DMGDH: variants seen among roughly 807,000 people sequenced by gnomAD.
DMGDH encodes dimethylglycine dehydrogenase, mitochondrial.
Under a neutral mutation model 95.2 loss-of-function variants are expected in DMGDH, and 76 were observed. That is an observed-to-expected ratio of 0.80 (90% CI 0.66 to 0.97). The LOEUF is 0.97. DMGDH is among the 50% of genes least tolerant of loss of function. DMGDH has a pLI of 0.00. For missense variants in DMGDH, 987 were observed against 1,055.0 expected (o/e 0.94, Z 0.89); for synonymous variants, 345 against 377.6 (o/e 0.91, Z 1.00).
intron 15 of DMGDH, among the ~76,000 whole-genome samples, chr5:78,999,220 G>C (rs767184325): frequency 3.3e-5 from 5 of 152,214 alleles, no homozygotes; most frequent in Non-Finnish European, 7.3e-5. Flanking sequence ...TAGTATTTTA[G>C]ATGCTAACAC....
chr5:79,063,203 C>T (rs1755261256), intron 2 of DMGDH, among the ~76,000 whole-genome samples: 1 of 152,162 alleles, frequency 6.6e-6, no homozygotes, highest in South Asian at 2.1e-4. Flanking sequence ...TCCAGGCTCA[C>T]CCAGACAGTA....
chr5:79,026,543 A>G lies in DMGDH; in HGVS notation c.2071T>C (p.Ser691Pro). 2 of 1,614,080 alleles carry G rather than the reference A, an allele frequency of 1.2e-6. No individual in the cohort carries two copies. The highest frequency in any genetic ancestry group is 1.7e-6 in the Non-Finnish European group (2 of 1,180,020). ...GWELYHRRED[S>P]VALYDAIMNA... is the part of the protein sequence containing the mutation. ...ATGATAGCGTCATACAGCGCCACAG[A>G]ATCTTCTCTTCTGTGATACAGCTCC... is the stretch of plus-strand genomic sequence containing the variant. The change falls in exon 13 of 16, where the codon TCT (serine) becomes CCT (proline). Residue 691 changes from serine (S) to proline (P), a missense_variant. Coordinates refer to ENST00000255189, the MANE Select transcript of DMGDH (RefSeq NM_013391.3).
At chr5:79,059,158 A>C (rs1213377523) in intron 2 of DMGDH, among the ~76,000 whole-genome samples, 1 of 152,260 alleles carries the variant, frequency 6.6e-6, no homozygotes, top group African/African-American at 2.4e-5. Context: ...CTGTGTAGAA[A>C]AGCTTTTGAA....
intron 1 of DMGDH, among the ~76,000 whole-genome samples, chr5:79,068,034 C>T (rs1755431060): frequency 6.6e-6 from 1 of 152,160 alleles, no homozygotes. Context: ...TCTCCCGCCT[C>T]AGCCTCCCAA....
chr5:79,029,474 A>G (rs897324515), intron 11 of DMGDH, among the ~76,000 whole-genome samples: 2 of 152,204 alleles, frequency 1.3e-5, no homozygotes, highest in African/African-American at 4.8e-5. Flanking sequence ...ACAAAGGACA[A>G]AGATAATTTA....
At chr5:79,054,111 G>A in intron 4 of DMGDH, 73 bp downstream of exon 4, 2 of 1,551,950 alleles carry the variant, frequency 1.3e-6, no homozygotes, top group Non-Finnish European at 1.8e-6. Flanking sequence ...TCTGTTTTTA[G>A]TTAACTTCTT....
chr5:79,058,301 G>A (rs1227168104), intron 2 of DMGDH, among the ~76,000 whole-genome samples: 4 of 152,022 alleles, frequency 2.6e-5, no homozygotes, highest in Non-Finnish European at 4.4e-5. Context: ...CCATATTAGC[G>A]CTTCCATTTA....
chr5:79,061,210 C>G (rs1357046381), intron 2 of DMGDH, among the ~76,000 whole-genome samples: 1 of 142,736 alleles, frequency 7.0e-6, no homozygotes, highest in Non-Finnish European at 1.5e-5. Flanking sequence ...CAGAGTGAAA[C>G]TCTGTCTCAA....
intron 14 of DMGDH, among the ~76,000 whole-genome samples, chr5:79,017,057 G>A (rs1278729714): frequency 2.0e-5 from 3 of 151,860 alleles, no homozygotes; most frequent in Admixed American, 6.6e-5. Flanking sequence ...ATGGATCATA[G>A]ACCTAAATGT....
intron 12 of DMGDH, 48 bp from the exon 13 acceptor site, chr5:79,026,629 T>C: frequency 6.2e-7 from 1 of 1,612,940 alleles, no homozygotes; most frequent in Non-Finnish European, 8.5e-7. Flanking sequence ...CAATGATCAC[T>C]AGATCTAATG....
chr5:79,024,287 A>G lies in DMGDH; in HGVS notation c.2234T>C (p.Phe745Ser), dbSNP rs1753938380. ...TAAACATACCTTATTTAACTTCACAAAATATTCCAGTCCAGCTTCCAAAGG... is the reference window on the plus strand; with the variant it reads ...TAAACATACCTTATTTAACTTCACAGAATATTCCAGTCCAGCTTCCAAAGG... ...TNPLEAGLEY[F>S]VKLNKPADFI... Residue 745 changes from phenylalanine to serine, a missense_variant, in exon 14 of 16, where the codon TTT becomes TCT. Phe to Ser is a radical substitution (Grantham distance 155). Coordinates refer to ENST00000255189, the MANE Select transcript of DMGDH (RefSeq NM_013391.3). 1.2e-6 allele frequency: 2 copies of G among 1,613,624 alleles called. No homozygotes were observed. The highest frequency in any genetic ancestry group is 1.7e-6 in the Non-Finnish European group (2 of 1,179,696).
chr5:79,019,458 T>C (rs1219135383), intron 14 of DMGDH, among the ~76,000 whole-genome samples: 2 of 133,044 alleles, frequency 1.5e-5, no homozygotes, highest in Non-Finnish European at 3.2e-5. Context: ...ATTCACTGCA[T>C]TAAAAAAAAA....
chr5:79,069,467 T>TCC, intron 1 of DMGDH, 53 bp downstream of exon 1: 1 of 1,153,390 alleles, frequency 8.7e-7, no homozygotes, highest in South Asian at 4.2e-5. Context: ...AGCCTCTGGC[T>TCC]CCCACCCCCG....
chr5:79,002,893 GAGAT>G (rs771229389), intron 15 of DMGDH, among the ~76,000 whole-genome samples: 1 of 152,336 alleles, frequency 6.6e-6, no homozygotes, highest in South Asian at 2.1e-4. Flanking sequence ...GGAAATCTAA[GAGAT>G]AGAATCCTAT....
At chr5:79,038,116 G>A (rs538693130) in intron 7 of DMGDH, among the ~76,000 whole-genome samples, 1 of 152,080 alleles carries the variant, frequency 6.6e-6, no homozygotes, top group African/African-American at 2.4e-5. Flanking sequence ...TTTTGAAAAA[G>A]AACAAAGTTG....
chr5:79,001,352 G>A (rs897510274), intron 15 of DMGDH, among the ~76,000 whole-genome samples: 27 of 152,072 alleles, frequency 1.8e-4, no homozygotes, highest in African/African-American at 4.6e-4. Flanking sequence ...TAGTAGAGAC[G>A]GGGTTTCACC....
chr5:79,028,565 C>G lies in DMGDH; in HGVS notation c.1900G>C (p.Gly634Arg). 6.2e-7 allele frequency: 1 copy of G among 1,614,068 alleles called. No homozygotes were observed. Among genetic ancestry groups the G allele is most frequent in the Non-Finnish European group, 8.5e-7 (1 of 1,180,010 alleles). Residue 634 changes from glycine to arginine, a missense_variant, in exon 12 of 16, where the codon GGG (glycine) becomes CGG (arginine). Transcript: ENST00000255189. ...TGAAGGACCTTTCTTGCCTGTGGCC[C>G]AGCAACTCCAAGAACTCCAAGCTCA... ...TDELGVLGVA[G>R]PQARKVLQKL...
intron 5 of DMGDH, among the ~76,000 whole-genome samples, chr5:79,050,261 A>AT (rs1754806494): frequency 3.2e-5 from 2 of 62,090 alleles, no homozygotes; most frequent in African/African-American, 1.2e-4. Context: ...AAAAAAAAAA[A>AT]AAAAAAAAAA....
At chr5:79,026,622 TGATCACTA>T in intron 12 of DMGDH, 41 bp from the exon 13 acceptor site, 4 of 1,613,630 alleles carry the variant, frequency 2.5e-6, no homozygotes, top group Non-Finnish European at 3.4e-6. Context: ...GCAAGAACAA[TGATCACTA>T]GATCTAATGT....
Sources: allele counts gnomAD v4.1 joint callset (sites outside exome capture counted in the v4.1 genomes callset), GRCh38; gene constraint gnomAD v4.1.1; transcripts MANE v1.5; gene names NCBI Gene and HGNC (gene_info 2026-07-23, HGNC 2026-07-21).